The following CEP85 variants were observed in gnomAD, a reference collection of about 807,000 sequenced individuals.
CEP85 encodes the protein centrosomal protein 85.
In CEP85, 58 loss-of-function variants were observed where a neutral mutation model predicts 93.7. That is an observed-to-expected ratio of 0.62 (90% confidence interval 0.50 to 0.77). The LOEUF (loss-of-function observed/expected upper bound fraction) is 0.77, where lower values mean the gene tolerates loss of function less well. CEP85 is among the 30% of genes least tolerant of loss of function. The probability of loss-of-function intolerance (pLI) is 0.00; values close to 1 mark genes in which losing one functional copy is unlikely to be tolerated. For missense variants in CEP85, 868 were observed against 922.0 expected, an observed-to-expected ratio of 0.94 and a Z score of 0.76; for synonymous variants, 314 against 338.6, an observed-to-expected ratio of 0.93 and a Z score of 0.80.
rs183645960 is a variant in CEP85, at chr1:26,263,617, G to A, written c.1341+3815G>A. On this transcript the variant is annotated intron_variant, in intron 7 of 13. Transcript: ENST00000451429. ...CACTCACTGGAGCCCAAAAGGTCAA[G>A]GCTGCAGTAAGCCATGATCTCACAG... 5.9e-3 allele frequency among the ~76,000 whole-genome samples: 892 copies of A among 152,220 alleles called. 8 individuals carry two copies. The highest frequency in any genetic ancestry group is 0.021 in the African/African-American group (869 of 41,530).
At chr1:26,246,327 A>C (rs1305390006) in intron 3 of CEP85, among the ~76,000 whole-genome samples, 1 of 152,248 alleles carries the variant, frequency 6.6e-6, no homozygotes, top group Non-Finnish European at 1.5e-5. Flanking sequence ...CATGATAGTC[A>C]AAAGTAGAAA....
chr1:26,243,659 T>C (rs1479978274), intron 2 of CEP85, among the ~76,000 whole-genome samples: 1 of 152,168 alleles, frequency 6.6e-6, no homozygotes, highest in Non-Finnish European at 1.5e-5. Context: ...ATGGGTCTTA[T>C]TAACATCTTT....
At chr1:26,270,153 A>T (rs761131438) in intron 9 of CEP85, among the ~76,000 whole-genome samples, 12 of 152,142 alleles carry the variant, frequency 7.9e-5, no homozygotes, top group Non-Finnish European at 1.0e-4. Flanking sequence ...TAAGGATCTA[A>T]CCCAGTGCCT....
intron 2 of CEP85, among the ~76,000 whole-genome samples, chr1:26,241,695 T>C (rs1463739666): frequency 6.6e-6 from 1 of 152,168 alleles, no homozygotes; most frequent in East Asian, 1.9e-4. Flanking sequence ...TTCAGATTAA[T>C]AATGGTCTTA....
chr1:26,267,349 A>C (rs2089907558), intron 7 of CEP85, among the ~76,000 whole-genome samples: 2 of 147,164 alleles, frequency 1.4e-5, no homozygotes, highest in South Asian at 4.3e-4. Flanking sequence ...GGATCACCTG[A>C]AGTCAGGGGT....
intron 3 of CEP85, among the ~76,000 whole-genome samples, chr1:26,248,502 C>G (rs181671439): frequency 1.2e-3 from 185 of 151,804 alleles, no homozygotes; most frequent in Non-Finnish European, 2.0e-3. Flanking sequence ...TTTTTTACTT[C>G]TTCTTATTTT....
At chr1:26,263,860 T>A (rs2089851629) in intron 7 of CEP85, among the ~76,000 whole-genome samples, 1 of 152,008 alleles carries the variant, frequency 6.6e-6, no homozygotes, top group Admixed American at 6.6e-5. Context: ...AGATCAAAAA[T>A]CATGTATTCA....
intron 11 of CEP85, among the ~76,000 whole-genome samples, chr1:26,272,754 G>A (rs1239279660): frequency 1.3e-5 from 2 of 149,000 alleles, no homozygotes; most frequent in Non-Finnish European, 3.0e-5. Flanking sequence ...TCAGCCTCCC[G>A]AGTAGCTGGT....
intron 4 of CEP85, 90 bp downstream of exon 4, chr1:26,255,955 A>G: frequency 9.0e-7 from 1 of 1,105,144 alleles, no homozygotes; most frequent in South Asian, 1.7e-5. Context: ...GGCTTAAAGA[A>G]AATAGCTGTA....
chr1:26,257,798 G>A, intron 5 of CEP85, 68 bp downstream of exon 5: 1 of 1,554,714 alleles, frequency 6.4e-7, no homozygotes, highest in Non-Finnish European at 8.8e-7. Flanking sequence ...ACCTAATGGA[G>A]TCTTCCCAAG....
chr1:26,262,473 GTC>G, intron 7 of CEP85, among the ~76,000 whole-genome samples: 1 of 151,400 alleles, frequency 6.6e-6, no homozygotes, highest in East Asian at 2.0e-4. Flanking sequence ...GTGAGTGAGA[GTC>G]TGTCTCAAAA....
rs1208899326 is a variant in CEP85 at position 26,277,311 on chromosome 1, C to T, written c.*18C>T. The T allele has an allele frequency of 2.5e-6, 4 of 1,602,506 alleles. No homozygotes were observed. The highest frequency in any genetic ancestry group is 2.6e-6 in the Non-Finnish European group (3 of 1,170,150). On this transcript the variant is annotated 3_prime_UTR_variant, in exon 14 of 14. Coordinates refer to ENST00000451429, the MANE Select transcript of CEP85 (RefSeq NM_001319944.2). ...CACAGTGAGGAATTCTGGGGGATTC[C>T]CCCAGGGAGGAGCTGGGCTGCTGAG... is the stretch of plus-strand genomic sequence containing the variant.
intron 11 of CEP85, 134 bp downstream of exon 11, chr1:26,272,205 G>A: frequency 3.6e-6 from 3 of 831,564 alleles, no homozygotes; most frequent in Non-Finnish European, 5.9e-6. Context: ...GACCCAGTCA[G>A]TGCTTTTGAG....
chr1:26,255,075 G>T, intron 3 of CEP85, 96 bp from the exon 4 acceptor site: 10 of 941,730 alleles, frequency 1.1e-5, no homozygotes, highest in Non-Finnish European at 1.3e-5. Context: ...CTCTCTGCTT[G>T]GTCTCAGGAC....
At position 26,255,471 on chromosome 1, in the gene CEP85, A is replaced by G; in HGVS notation, c.509A>G (p.His170Arg). The G allele has an allele frequency of 6.2e-7, 1 of 1,614,176 alleles. No individual in the cohort carries two copies. The highest frequency in any genetic ancestry group is 8.5e-7 in the Non-Finnish European group (1 of 1,180,022). The change falls in exon 4 of 14, where the codon CAT (histidine) becomes CGT (arginine). Residue 170 changes from histidine to arginine, a missense_variant. Coordinates refer to ENST00000451429, the MANE Select transcript of CEP85 (RefSeq NM_001319944.2). ...IEQSWFPAVG[H>R]ERQEEARKFD... ...CAGTCCTGGTTTCCAGCAGTGGGCC[A>G]TGAAAGACAAGAAGAGGCGAGGAAG...
At chr1:26,253,469 A>G (rs1326313048) in intron 3 of CEP85, among the ~76,000 whole-genome samples, 3 of 147,796 alleles carry the variant, frequency 2.0e-5, no homozygotes, top group Non-Finnish European at 4.4e-5. Flanking sequence ...GGCTCATTGC[A>G]ACCTCCACCT....
Position 26,238,202 on chromosome 1 carries a change from CTTT to C in CEP85, c.-22-1546_-22-1544del, listed in dbSNP as rs67466493. On this transcript the variant is annotated intron_variant, in intron 1 of 13. Transcript: ENST00000451429. ...TATGTTCTGTGAATTGTCCCAAACT[CTTT>C]TTTTTTTTTTTTTGAGACGGAGTCT... Among the ~76,000 whole-genome samples, 32 of 88,300 alleles carry C rather than the reference CTTT, an allele frequency of 3.6e-4. 2 individuals carry two copies. The highest frequency in any genetic ancestry group is 1.4e-3 in the African/African-American group (31 of 22,158). 57.9% of individuals were successfully genotyped at this position (88,300 alleles called of 152,430 possible).
intron 7 of CEP85, chr1:26,263,168 C>T (rs945068021): frequency 2.0e-5 from 5 of 247,614 alleles, no homozygotes; most frequent in Admixed American, 8.2e-5. Flanking sequence ...GACAAGTGCT[C>T]CATCATGCTT....
At chr1:26,258,076 TTAG>T in intron 5 of CEP85, 64 bp from the exon 6 acceptor site, 1 of 1,047,224 alleles carries the variant, frequency 9.5e-7, no homozygotes. Flanking sequence ...GGGATTGTAC[TTAG>T]TAGGGGCTCA....
Sources: allele counts gnomAD v4.1 joint callset (sites outside exome capture counted in the v4.1 genomes callset), GRCh38; gene constraint gnomAD v4.1.1; transcripts MANE v1.5; gene names NCBI Gene and HGNC (gene_info 2026-07-23, HGNC 2026-07-21).